Variants in ANK1 observed in about 807,000 individuals in gnomAD.
ANK1 encodes the protein ankyrin 1.
Under a neutral mutation model 210.4 loss-of-function variants are expected in ANK1, and 51 were observed. That is an observed-to-expected ratio of 0.24 (90% CI 0.19 to 0.31). The LOEUF (loss-of-function observed/expected upper bound fraction) is 0.31. ANK1 is among the 10% of genes least tolerant of loss of function. The pLI is 1.00. For missense variants in ANK1, 2,051 were observed against 2,504.4 expected, an observed-to-expected ratio of 0.82 and a Z score of 3.86; for synonymous variants, 967 against 1,025.9, an observed-to-expected ratio of 0.94 and a Z score of 1.10.
At position 41,660,937 on chromosome 8, in the gene ANK1, G is replaced by C. The variant is rs188562215; in HGVS notation, c.*36+493C>G. On this transcript the variant is annotated intron_variant, in intron 42 of 42. Transcript: ENST00000289734. ...ACTCTCCTGTCCTCTTCAATGCCCT[G>C]TCCACTGCTTTCTAGATCCCCATTG... is the stretch of plus-strand genomic sequence containing the variant. 1.1e-5 allele frequency: 3 copies of C among 279,766 alleles called. No homozygotes were observed. In the Admixed American group the frequency reaches 1.6e-4, roughly 14 times the overall value. 17.3% of individuals were successfully genotyped at this position (279,766 alleles called of 1,614,324 possible).
chr8:41,806,988 G>C (rs1851058900), intron 1 of ANK1, among the ~76,000 whole-genome samples: 1 of 152,160 alleles, frequency 6.6e-6, no homozygotes, highest in Non-Finnish European at 1.5e-5. Flanking sequence ...GGAAGAATTA[G>C]ATACTTTACA....
At chr8:41,814,925 A>G (rs1803084225) in intron 1 of ANK1, among the ~76,000 whole-genome samples, 1 of 152,148 alleles carries the variant, frequency 6.6e-6, no homozygotes, top group South Asian at 2.1e-4. Context: ...AATAAGGCCA[A>G]TTAGCTTAGT....
chr8:41,713,292 C>T (rs1268752789), intron 16 of ANK1, among the ~76,000 whole-genome samples: 1 of 152,220 alleles, frequency 6.6e-6, no homozygotes, highest in Non-Finnish European at 1.5e-5. Context: ...CCCGCTCCCT[C>T]TCCTCTCCCC....
intron 1 of ANK1, among the ~76,000 whole-genome samples, chr8:41,893,532 T>C (rs1208049689): frequency 6.6e-6 from 1 of 152,054 alleles, no homozygotes; most frequent in Non-Finnish European, 1.5e-5. Flanking sequence ...CCACACAATA[T>C]CATCAACTGT....
At chr8:41,769,977 CTTTTTTTT>C (rs59542968) in intron 1 of ANK1, among the ~76,000 whole-genome samples, 1 of 86,644 alleles carries the variant, frequency 1.2e-5, no homozygotes, top group African/African-American at 4.9e-5. Context: ...TTTCTTTTTT[CTTTTTTTT>C]TTTTTTTTTT....
At chr8:41,845,823 A>G (rs1642240737) in intron 1 of ANK1, among the ~76,000 whole-genome samples, 2 of 152,116 alleles carry the variant, frequency 1.3e-5, no homozygotes, top group Non-Finnish European at 2.9e-5. Flanking sequence ...TAAACATACC[A>G]AAACCGTTTT....
In ANK1 at chr8:41,714,233, C is replaced by A; in HGVS notation, c.1723G>T (p.Val575Leu). 1.3e-6 allele frequency: 2 copies of A among 1,544,960 alleles called. No individual in the cohort carries two copies. Among genetic ancestry groups the A allele is most frequent in the Non-Finnish European group, 1.8e-6 (2 of 1,137,378 alleles). ...TCCAGGTTGTTGTGATGGACGGCCACGTGCAGGGGGGTCAGGCCATTCTGC... is the reference window on the plus strand; with the variant it reads ...TCCAGGTTGTTGTGATGGACGGCCAAGTGCAGGGGGGTCAGGCCATTCTGC... ...AGKNGLTPLH[V>L]AVHHNNLDIV... Residue 575 changes from valine (V) to leucine (L), a missense_variant, in exon 16 of 43, where the codon GTG (valine) becomes TTG (leucine). Transcript: ENST00000289734.
At position 41,773,555 on chromosome 8, in the gene ANK1, G is replaced by A. The variant is rs920648; in HGVS notation, c.28-15418C>T. 9.6e-3 allele frequency among the ~76,000 whole-genome samples: 1,463 copies of A among 152,256 alleles called. 76 individuals are homozygous for A. Among genetic ancestry groups the A allele is most frequent in the Admixed American group, 0.085 (1,293 of 15,288 alleles). On this transcript the variant is annotated intron_variant, in intron 1 of 42. Transcript: ENST00000289734. ...CTTTGGCATGGCTTTGGTGGAATTC[G>A]ACTCCTAACGAGCTCGTGAGTTGGA... is the stretch of plus-strand genomic sequence containing the variant.
At chr8:41,707,098 TTAAA>T (rs1289775718) in intron 17 of ANK1, among the ~76,000 whole-genome samples, 6 of 152,158 alleles carry the variant, frequency 3.9e-5, no homozygotes, top group African/African-American at 7.2e-5. Flanking sequence ...AGACTCCATC[TTAAA>T]TAAATAAATA....
rs1034370797 is a variant in ANK1 at position 41,690,105 on chromosome 8, C to T, written c.4104+122G>A. ...GAGAGCTCAGCACCTTTGCATGCCT[C>T]GGGGGACTCTAAGCTTCCACCAGGA... On this transcript the variant is annotated intron_variant, in intron 33 of 42. Transcript: ENST00000289734. 27 of 1,493,450 alleles carry T rather than the reference C, an allele frequency of 1.8e-5. 1 individual carries two copies. In the South Asian group the frequency reaches 1.9e-4, roughly 10 times the overall value. The allele number at this position is 1,493,450 out of a possible 1,614,324, so 92.5% of individuals were successfully genotyped here. A position where few individuals can be genotyped will look rare whatever the true frequency, so the allele number is the denominator to read the frequency against.
chr8:41,879,127 C>T (rs1360520571), intron 1 of ANK1, among the ~76,000 whole-genome samples: 1 of 151,736 alleles, frequency 6.6e-6, no homozygotes, highest in Admixed American at 6.6e-5. Context: ...AAAATATAGC[C>T]CAGTGGAAGA....
intron 1 of ANK1, among the ~76,000 whole-genome samples, chr8:41,786,595 CTATT>C (rs1846452568): frequency 6.6e-6 from 1 of 152,178 alleles, no homozygotes; most frequent in African/African-American, 2.4e-5. Context: ...CCTGGAATGG[CTATT>C]TAAGTACCAC....
chr8:41,663,570 C>T (rs1809308994), intron 40 of ANK1, 89 bp downstream of exon 40: 1 of 1,303,578 alleles, frequency 7.7e-7, no homozygotes, highest in Non-Finnish European at 1.1e-6. Context: ...GCTGTGAGGG[C>T]AGCAGGGAGA....
chr8:41,693,205 T>A lies in ANK1; in HGVS notation c.3533-4A>T. The A allele has an allele frequency of 6.3e-7, 1 of 1,591,384 alleles. No individual in the cohort carries two copies. ...CACTGGGCTTGGTCTGTTCCTCCTG[T>A]AACAGCGGCAGAAATGGGGCTGGGG... is the stretch of plus-strand genomic sequence containing the variant. On this transcript the variant is annotated splice_polypyrimidine_tract_variant and splice_region_variant and intron_variant, in intron 29 of 42. Coordinates refer to ENST00000289734, the MANE Select transcript of ANK1 (RefSeq NM_000037.4).
At chr8:41,852,980 T>C (rs1248226174) in intron 1 of ANK1, among the ~76,000 whole-genome samples, 1 of 152,228 alleles carries the variant, frequency 6.6e-6, no homozygotes, top group East Asian at 1.9e-4. Context: ...TCTTTGTCCA[T>C]ATGTGGTGGC....
rs1393742550 is a variant in ANK1, at chr8:41,672,846, A to G, written c.4604T>C (p.Leu1535Pro). The stretch of plus-strand genomic sequence containing the variant: ...CTCATTCCAGTACTGGTCTGCACGT[A>G]GCGGAGAGGAAAGTGCACAGCCCAG... Reference protein sequence around the residue: ...ASLGCALSSPLRADQYWNEVA... With the variant: ...ASLGCALSSPPRADQYWNEVA... The change falls in exon 38 of 43, where the codon CTA becomes CCA. Residue 1535 changes from leucine (L) to proline (P), a missense_variant. Physicochemically the swap from Leu to Pro is moderately conservative, Grantham distance 98 (BLOSUM62 -3). Transcript: ENST00000289734. 2.5e-6 allele frequency: 4 copies of G among 1,611,534 alleles called. No individual in the cohort carries two copies. The African/African-American group carries it at 4.0e-5, about 16-fold the overall frequency.
chr8:41,657,278 G>A (rs936079488), intron 42 of ANK1, among the ~76,000 whole-genome samples: 1 of 152,178 alleles, frequency 6.6e-6, no homozygotes. Context: ...AGACCACCCG[G>A]GTTCAAGTCC....
intron 38 of ANK1, among the ~76,000 whole-genome samples, chr8:41,670,264 C>T (rs768638829): frequency 1.3e-5 from 2 of 151,874 alleles, no homozygotes; most frequent in African/African-American, 2.4e-5. Flanking sequence ...TTTATTGGTG[C>T]CTGGCACACA....
intron 24 of ANK1, chr8:41,697,785 G>T: frequency 1.8e-6 from 1 of 561,678 alleles, no homozygotes. Context: ...TCTCACTGCT[G>T]CTGTCCTGGG....
Sources: allele counts gnomAD v4.1 joint callset (sites outside exome capture counted in the v4.1 genomes callset), GRCh38; gene constraint gnomAD v4.1.1; transcripts MANE v1.5; gene names NCBI Gene and HGNC (gene_info 2026-07-23, HGNC 2026-07-21).